FAM120B: variants seen among roughly 807,000 people sequenced by gnomAD.
FAM120B encodes the protein constitutive coactivator of peroxisome proliferator-activated receptor gamma.
FAM120B carries 83 observed loss-of-function variants against 96.3 expected under a neutral mutation model. That is an observed-to-expected ratio of 0.86 (90% CI 0.72 to 1.03). The LOEUF (loss-of-function observed/expected upper bound fraction) is 1.03, where lower values mean the gene tolerates loss of function less well. FAM120B is among the 50% of genes least tolerant of loss of function. The pLI, the probability that FAM120B is intolerant of heterozygous loss-of-function variation, is 0.00. For synonymous variants in FAM120B, 407 were observed against 402.7 expected (o/e 1.01, Z -0.13); for missense variants, 1,027 against 1,121.2 (o/e 0.92, Z 1.20).
At chr6:170,380,348 G>T (rs1336118708) in intron 6 of FAM120B, among the ~76,000 whole-genome samples, 1 of 152,178 alleles carries the variant, frequency 6.6e-6, no homozygotes, top group Non-Finnish European at 1.5e-5. Context: ...ACTGATTTCA[G>T]TTGCTTTGGG....
chr6:170,389,583 GGGTCTT>G (rs1790375718), intron 7 of FAM120B, among the ~76,000 whole-genome samples: 1 of 151,472 alleles, frequency 6.6e-6, no homozygotes, highest in Non-Finnish European at 1.5e-5. Context: ...TTTTGAAACA[GGGTCTT>G]GCTCTGTTGC....
intron 6 of FAM120B, among the ~76,000 whole-genome samples, chr6:170,360,207 A>G (rs1302116658): frequency 6.6e-6 from 1 of 152,220 alleles, no homozygotes; most frequent in Non-Finnish European, 1.5e-5. Flanking sequence ...ACCCTTCACC[A>G]GCTATGGGGT....
chr6:170,327,557 T>TGAGTGAGTGGG (rs568024936), intron 3 of FAM120B, among the ~76,000 whole-genome samples: 33 of 151,716 alleles, frequency 2.2e-4, no homozygotes, highest in Admixed American at 2.2e-3. Flanking sequence ...GGTGAGTCCA[T>TGAGTGAGTGGG]GAGTGAGTGG....
intron 6 of FAM120B, among the ~76,000 whole-genome samples, chr6:170,374,102 C>T (rs1474060227): frequency 1.3e-5 from 2 of 152,188 alleles, no homozygotes; most frequent in Admixed American, 6.5e-5. Flanking sequence ...AACTGAATGT[C>T]TATAAAAAGC....
intron 4 of FAM120B, among the ~76,000 whole-genome samples, chr6:170,336,203 C>CGATT (rs1489428467): frequency 1.3e-5 from 2 of 152,094 alleles, no homozygotes; most frequent in Admixed American, 1.3e-4. Context: ...AGTATTTAAT[C>CGATT]CATCTTGAGT....
At chr6:170,395,655 G>A in intron 9 of FAM120B, 76 bp downstream of exon 9, 1 of 1,017,324 alleles carries the variant, frequency 9.8e-7, no homozygotes, top group Non-Finnish European at 1.5e-6. Context: ...GCTGATAACT[G>A]CCTTCCTCTG....
intron 4 of FAM120B, among the ~76,000 whole-genome samples, chr6:170,335,035 G>GT (rs763623737): frequency 0.019 from 2,597 of 139,182 alleles, 42 homozygotes; most frequent in African/African-American, 0.049. Context: ...GGTTTTTTGA[G>GT]TTTTTTTTTT....
Position 170,318,486 on chromosome 6 carries a change from C to G in FAM120B, c.1096C>G (p.Pro366Ala). ...CTGPESRREV[P>A]VYTDSEPRQE... ...AGGCCCTGAATCCAGGCGAGAAGTT[C>G]CCGTGTATACAGATTCTGAACCCAG... The change falls in exon 2 of 11, where the codon CCC becomes GCC. Residue 366 changes from proline to alanine, a missense_variant. Pro to Ala is a conservative substitution (Grantham distance 27). This residue lies in a region of FAM120B where 880 missense variants were observed against 980.9 expected (regional missense o/e 0.90). Coordinates refer to ENST00000476287, the MANE Select transcript of FAM120B (RefSeq NM_032448.3). The G allele has an allele frequency of 6.3e-7, 1 of 1,586,038 alleles. No individual in the cohort carries two copies. Among genetic ancestry groups the G allele is most frequent in the Non-Finnish European group, 8.6e-7 (1 of 1,163,214 alleles).
Position 170,319,447 on chromosome 6 carries a change from C to G in FAM120B, c.1734+323C>G, listed in dbSNP as rs556113847. Among the ~76,000 whole-genome samples the G allele has an allele frequency of 1.4e-4, 21 of 152,230 alleles. 1 individual carries two copies. In the South Asian group the frequency reaches 4.3e-3, roughly 32 times the overall value. ...TTTGGGAGGCCCAAAGCAGGTGGGT[C>G]ACCTGAGGTCAGGAGTTCAAGACCA... On this transcript the variant is annotated intron_variant, in intron 2 of 10. Coordinates refer to ENST00000476287, the MANE Select transcript of FAM120B (RefSeq NM_032448.3).
upstream of FAM120B, among the ~76,000 whole-genome samples, chr6:170,304,532 T>A (rs892378599): frequency 1.3e-5 from 2 of 152,142 alleles, no homozygotes; most frequent in Admixed American, 6.5e-5. Context: ...TTTTCACATG[T>A]CACATTTGTG....
At chr6:170,389,870 A>AT (rs1213497566) in intron 7 of FAM120B, among the ~76,000 whole-genome samples, 1 of 151,928 alleles carries the variant, frequency 6.6e-6, no homozygotes, top group African/African-American at 2.4e-5. Flanking sequence ...CCCTCTCCCT[A>AT]TTTTTTAATG....
rs775578020 is a variant in FAM120B at position 170,348,211 on chromosome 6, G to A, written c.2078G>A (p.Arg693His). ...CAAGAGCCAGAAATACAGGTTCGGCGCTTGGACACACTCCTAGCCTGTTTC... is the reference window on the plus strand; with the variant it reads ...CAAGAGCCAGAAATACAGGTTCGGCACTTGGACACACTCCTAGCCTGTTTC... ...LNQEPEIQVRRLDTLLACFNL... is the reference protein window; with the variant it reads ...LNQEPEIQVRHLDTLLACFNL... Residue 693 changes from arginine to histidine, a missense_variant, in exon 5 of 11, where the codon CGC becomes CAC. Arg to His is a conservative substitution (Grantham distance 29). Transcript: ENST00000476287. The A allele has an allele frequency of 4.3e-6, 7 of 1,614,042 alleles. No homozygotes were observed. The highest frequency in any genetic ancestry group is 1.3e-5 in the African/African-American group (1 of 75,022).
chr6:170,346,352 G>A (rs1326452913), intron 4 of FAM120B, among the ~76,000 whole-genome samples: 1 of 152,002 alleles, frequency 6.6e-6, no homozygotes, highest in African/African-American at 2.4e-5. Context: ...TCAGAATATG[G>A]TTATATCTGG....
chr6:170,356,800 A>T (rs1382457422), intron 5 of FAM120B, among the ~76,000 whole-genome samples: 1 of 152,228 alleles, frequency 6.6e-6, no homozygotes, highest in Non-Finnish European at 1.5e-5. Context: ...CCAGTTAACA[A>T]CAGCCACAAA....
intron 4 of FAM120B, among the ~76,000 whole-genome samples, chr6:170,338,844 CTTTTTTTT>C (rs61188907): frequency 1.2e-5 from 1 of 85,424 alleles, no homozygotes; most frequent in Non-Finnish European, 2.3e-5. Context: ...TTGCAACCTG[CTTTTTTTT>C]TTTTTTTTTT....
upstream of FAM120B, among the ~76,000 whole-genome samples, chr6:170,304,818 C>T (rs1373519503): frequency 6.6e-6 from 1 of 152,166 alleles, no homozygotes; most frequent in Non-Finnish European, 1.5e-5. Flanking sequence ...CTTCCAGGCT[C>T]AGTTCACAAA....
At chr6:170,303,201 A>G (rs1355004604), upstream of FAM120B, among the ~76,000 whole-genome samples, 2 of 152,094 alleles carry the variant, frequency 1.3e-5, no homozygotes, top group Middle Eastern at 3.2e-3. Context: ...TATCTCTTAT[A>G]TATTTCTTTT....
At chr6:170,354,930 A>G (rs1787803772) in intron 5 of FAM120B, among the ~76,000 whole-genome samples, 1 of 152,194 alleles carries the variant, frequency 6.6e-6, no homozygotes, top group African/African-American at 2.4e-5. Context: ...CTCTATCTCA[A>G]AAAAACAAAA....
chr6:170,291,514 G>A (rs1169724622), upstream of FAM120B, among the ~76,000 whole-genome samples: 1 of 152,290 alleles, frequency 6.6e-6, no homozygotes, highest in Admixed American at 6.5e-5. Flanking sequence ...TCCTAAGGAG[G>A]AGTCTCTTGG....
Sources: gnomAD v4.1 joint callset for allele counts (sites outside exome capture counted in the v4.1 genomes callset) on GRCh38, gnomAD v4.1.1 for gene constraint, gnomAD v4.1.1 regional missense constraint, MANE v1.5 for transcripts, NCBI Gene and HGNC (gene_info 2026-07-23, HGNC 2026-07-21) for gene names.